The following SHB variants were observed in gnomAD, a reference collection of about 807,000 sequenced individuals.
The protein encoded by SHB is SH2 domain-containing adapter protein B.
A neutral mutation model predicts 52.3 loss-of-function variants in SHB; 20 were observed. The ratio of observed to expected loss-of-function variants is 0.38; its 90% CI spans 0.27 to 0.56. SHB has a LOEUF of 0.56. Among genes scored for constraint, SHB ranks in the 20% least tolerant of loss-of-function variants. SHB has a pLI of 0.71. For synonymous variants in SHB, 397 were observed against 316.5 expected (o/e 1.25, Z -2.70); for missense variants, 825 against 723.3 (o/e 1.14, Z -1.61).
intron 1 of SHB, among the ~76,000 whole-genome samples, chr9:38,045,410 G>A (rs1653757374): frequency 6.6e-6 from 1 of 151,788 alleles, no homozygotes; most frequent in Admixed American, 6.6e-5. Context: ...AGACCAGCTT[G>A]GTCAACATGG....
intron 5 of SHB, among the ~76,000 whole-genome samples, chr9:37,921,043 A>C (rs1052895938): frequency 6.6e-6 from 1 of 152,040 alleles, no homozygotes; most frequent in South Asian, 2.1e-4. Context: ...CTGCAGCCAC[A>C]CTGGATCCCT....
At chr9:37,926,637 C>T (rs1832254049) in intron 5 of SHB, among the ~76,000 whole-genome samples, 1 of 152,238 alleles carries the variant, frequency 6.6e-6, no homozygotes, top group Admixed American at 6.5e-5. Flanking sequence ...ACACACGACC[C>T]CGTTCTCCCT....
chr9:38,001,862 A>G (rs1821018159), intron 2 of SHB, among the ~76,000 whole-genome samples: 1 of 152,258 alleles, frequency 6.6e-6, no homozygotes, highest in Admixed American at 6.5e-5. Context: ...AACAGCCCAA[A>G]GGAGATGAAC....
chr9:38,042,140 G>A (rs1046330911), intron 1 of SHB, among the ~76,000 whole-genome samples: 3 of 152,148 alleles, frequency 2.0e-5, no homozygotes, highest in Non-Finnish European at 2.9e-5. Flanking sequence ...GTCCTGTGCC[G>A]GGTCACCAAG....
chr9:37,942,610 T>C (rs559892679), intron 5 of SHB, among the ~76,000 whole-genome samples: 83 of 152,356 alleles, frequency 5.4e-4, no homozygotes, highest in African/African-American at 1.9e-3. Flanking sequence ...CATCTATGTG[T>C]AGGGCTTATC....
At chr9:38,004,866 C>G (rs1821060203) in intron 2 of SHB, among the ~76,000 whole-genome samples, 1 of 152,228 alleles carries the variant, frequency 6.6e-6, no homozygotes, top group South Asian at 2.1e-4. Context: ...GCCCCATTGG[C>G]CAGGGCAGAG....
At chr9:38,060,205 C>G (rs911284890) in intron 1 of SHB, among the ~76,000 whole-genome samples, 1 of 152,082 alleles carries the variant, frequency 6.6e-6, no homozygotes, top group African/African-American at 2.4e-5. Flanking sequence ...GATAGTGTCT[C>G]GCTTTGGTGC....
intron 3 of SHB, among the ~76,000 whole-genome samples, chr9:37,969,721 AT>A (rs1461446859): frequency 6.6e-6 from 1 of 152,030 alleles, no homozygotes; most frequent in African/African-American, 2.4e-5. Flanking sequence ...CTCAGGTTCC[AT>A]TTGTCCATCT....
chr9:38,028,080 C>T (rs1284188580), intron 1 of SHB, among the ~76,000 whole-genome samples: 1 of 152,158 alleles, frequency 6.6e-6, no homozygotes, highest in Non-Finnish European at 1.5e-5. Flanking sequence ...CGCAGAATCA[C>T]AGGAGTCCCC....
intron 1 of SHB, among the ~76,000 whole-genome samples, chr9:38,027,706 G>T (rs575537283): frequency 1.3e-5 from 2 of 151,856 alleles, no homozygotes; most frequent in African/African-American, 4.8e-5. Flanking sequence ...TACCAAGAGT[G>T]AGGGAGCTGG....
intron 3 of SHB, among the ~76,000 whole-genome samples, chr9:37,967,877 T>C (rs1217626009): frequency 7.2e-5 from 11 of 152,184 alleles, no homozygotes; most frequent in Admixed American, 7.2e-4. Flanking sequence ...AGGAAGGCCC[T>C]GGGGACCCTC....
rs1313577208 is a variant in SHB, at chr9:37,918,680, G to C, written c.*1141C>G. Among the ~76,000 whole-genome samples the C allele has an allele frequency of 6.6e-6, 1 of 152,100 alleles. No individual in the cohort carries two copies. The highest frequency in any genetic ancestry group is 1.5e-5 in the Non-Finnish European group (1 of 68,014). On this transcript the variant is annotated 3_prime_UTR_variant, in exon 6 of 6. Coordinates refer to ENST00000377707, the MANE Select transcript of SHB (RefSeq NM_003028.3). ...TGCTGCTGGTGAGCTGTGTGGCTTT[G>C]GGCAAATGACGTTCCTTCTCTGTCT...
chr9:38,002,838 G>A (rs1426887604), intron 2 of SHB, among the ~76,000 whole-genome samples: 1 of 152,210 alleles, frequency 6.6e-6, no homozygotes, highest in Non-Finnish European at 1.5e-5. Flanking sequence ...AAGTTCCCTG[G>A]GGTGGAGACC....
chr9:37,961,238 G>A (rs867607367), intron 3 of SHB, among the ~76,000 whole-genome samples: 14 of 152,310 alleles, frequency 9.2e-5, no homozygotes, highest in Middle Eastern at 6.8e-3. Context: ...TGGGTGCTGT[G>A]GGTGCTGCGC....
intron 4 of SHB, among the ~76,000 whole-genome samples, chr9:37,950,496 C>T (rs1334571700): frequency 6.6e-6 from 1 of 152,182 alleles, no homozygotes; most frequent in Non-Finnish European, 1.5e-5. Context: ...TCCTCACTGC[C>T]CATGAGTGGA....
chr9:38,042,739 T>C (rs894512879), intron 1 of SHB, among the ~76,000 whole-genome samples: 3 of 152,208 alleles, frequency 2.0e-5, no homozygotes, highest in African/African-American at 7.2e-5. Context: ...AATTCCAGCC[T>C]GGCCAAGCAT....
intron 5 of SHB, among the ~76,000 whole-genome samples, chr9:37,943,076 C>T (rs912296507): frequency 5.3e-5 from 8 of 152,318 alleles, no homozygotes; most frequent in African/African-American, 1.9e-4. Context: ...GACCCCTCCA[C>T]CTGGTGATCA....
Position 37,982,930 on chromosome 9 carries a change from C to A in SHB, c.839-8093G>T, listed in dbSNP as rs965999253. On this transcript the variant is annotated intron_variant, in intron 2 of 5. Coordinates refer to ENST00000377707, the MANE Select transcript of SHB (RefSeq NM_003028.3). Reference sequence around the variant, plus strand: ...TAGAAAAAAAAGGCCTGGGTTTGCTCGCTGGAAAACTGAGGCCAAGGAAAT... The same window carrying A: ...TAGAAAAAAAAGGCCTGGGTTTGCTAGCTGGAAAACTGAGGCCAAGGAAAT... Among the ~76,000 whole-genome samples the A allele has an allele frequency of 6.6e-5, 10 of 151,792 alleles. No homozygotes were observed. The South Asian group carries it at 1.9e-3, about 28-fold the overall frequency.
At chr9:37,991,523 T>TCCAAG (rs1426406399) in intron 2 of SHB, among the ~76,000 whole-genome samples, 1 of 152,228 alleles carries the variant, frequency 6.6e-6, no homozygotes, top group African/African-American at 2.4e-5. Flanking sequence ...ACATTTTAAT[T>TCCAAG]ATAACATTCC....
Sources: allele counts gnomAD v4.1 joint callset (sites outside exome capture counted in the v4.1 genomes callset), GRCh38; gene constraint gnomAD v4.1.1; transcripts MANE v1.5; gene names NCBI Gene and HGNC (gene_info 2026-07-23, HGNC 2026-07-21).